The following RERE variants were observed in gnomAD, a reference collection of about 807,000 sequenced individuals.
The protein encoded by RERE is arginine-glutamic acid dipeptide repeats, also known as arginine-glutamic acid dipeptide repeats protein.
RERE carries 40 observed loss-of-function variants against 146.1 expected under a neutral mutation model. The ratio of observed to expected loss-of-function variants is 0.27; its 90% CI spans 0.21 to 0.36. The LOEUF (loss-of-function observed/expected upper bound fraction) is 0.36. Ranked by LOEUF, RERE falls within the 10% of genes least tolerant of loss-of-function variation. RERE has a pLI of 1.00. For synonymous variants in RERE, 1,003 were observed against 866.0 expected (o/e 1.16, Z -2.78); for missense variants, 1,933 against 2,138.7 (o/e 0.90, Z 1.90).
At chr1:8,549,405 CA>C (rs1255140685) in intron 6 of RERE, among the ~76,000 whole-genome samples, 1 of 151,970 alleles carries the variant, frequency 6.6e-6, no homozygotes, top group Non-Finnish European at 1.5e-5. Context: ...TATAACAAAA[CA>C]AAATAAATAT....
chr1:8,364,763 C>G lies in RERE; in HGVS notation c.1523G>C (p.Arg508Pro). ...SEQELKGYAC[R>P]HCFTTTSKDW... is the part of the protein sequence containing the mutation. ...CCACTTACTGGTGGTGAAGCAGTGG[C>G]GGCAGGCGTACCCCTTCAGCTCCTG... Residue 508 changes from arginine (R) to proline (P), a missense_variant, in exon 14 of 23, where the codon CGC becomes CCC. Physicochemically the swap from Arg to Pro is moderately radical, Grantham distance 103. Transcript: ENST00000400908. The surrounding 1 kb of genome is among the most constrained non-coding windows in gnomAD (Gnocchi z 5.1). The G allele has an allele frequency of 6.2e-7, 1 of 1,613,762 alleles. No individual in the cohort carries two copies. Among genetic ancestry groups the G allele is most frequent in the Non-Finnish European group, 8.5e-7 (1 of 1,179,802 alleles).
chr1:8,500,182 G>A (rs573793877), intron 8 of RERE, among the ~76,000 whole-genome samples: 1 of 152,174 alleles, frequency 6.6e-6, no homozygotes, highest in Admixed American at 6.5e-5. Context: ...GAGTCAAAAG[G>A]TCTTTGACAC....
intron 1 of RERE, among the ~76,000 whole-genome samples, chr1:8,748,021 G>T (rs1016885518): frequency 6.6e-6 from 1 of 151,926 alleles, no homozygotes; most frequent in South Asian, 2.1e-4. Flanking sequence ...CAAGTGATCC[G>T]CCCACCTCAG....
chr1:8,567,987 T>C (rs1327021023), intron 4 of RERE, among the ~76,000 whole-genome samples: 1 of 152,160 alleles, frequency 6.6e-6, no homozygotes, highest in African/African-American at 2.4e-5. Flanking sequence ...TTAAGGGACA[T>C]CTAGATAGTT....
intron 7 of RERE, among the ~76,000 whole-genome samples, chr1:8,512,327 C>T (rs1310023110): frequency 6.6e-6 from 1 of 152,056 alleles, no homozygotes; most frequent in Non-Finnish European, 1.5e-5. Context: ...GCCACCGCGC[C>T]CGGCCAGGAA....
At chr1:8,649,625 G>C (rs766084914) in intron 2 of RERE, among the ~76,000 whole-genome samples, 34 of 151,226 alleles carry the variant, frequency 2.2e-4, no homozygotes, top group Admixed American at 1.7e-3. Context: ...AGCTACTCTC[G>C]AAGATGAGGC....
intron 8 of RERE, among the ~76,000 whole-genome samples, chr1:8,498,710 TAAA>T (rs1220899065): frequency 1.5e-5 from 1 of 68,212 alleles, no homozygotes; most frequent in African/African-American, 5.1e-5. Context: ...AAAAAAAAAA[TAAA>T]AAAAAAAAAA....
rs138468605 is a variant in RERE at position 8,472,197 on chromosome 1, T to C, written c.1105-6174A>G. 3.2e-3 allele frequency among the ~76,000 whole-genome samples: 483 copies of C among 152,348 alleles called. 1 individual carries two copies. The highest frequency in any genetic ancestry group is 9.9e-3 in the African/African-American group (411 of 41,580). ...ACTATATTCCTTACATAAAGTAGAA[T>C]TGGTAAATTTATCAAAACACTGGCT... On this transcript the variant is annotated intron_variant, in intron 10 of 22. Transcript: ENST00000400908.
At chr1:8,620,601 G>A (rs1646905080) in intron 3 of RERE, among the ~76,000 whole-genome samples, 1 of 151,932 alleles carries the variant, frequency 6.6e-6, no homozygotes, top group African/African-American at 2.4e-5. Context: ...TTCATGCCAG[G>A]CCACAAGGAT....
intron 4 of RERE, among the ~76,000 whole-genome samples, chr1:8,564,826 A>ATATGTGTGTG (rs1384858524): frequency 0.014 from 1,588 of 117,426 alleles, 21 homozygotes; most frequent in African/African-American, 0.03. Flanking sequence ...GTGTGTGTAT[A>ATATGTGTGTG]TGTGTATGTG....
At chr1:8,457,842 C>G (rs1281078099) in intron 11 of RERE, among the ~76,000 whole-genome samples, 1 of 152,124 alleles carries the variant, frequency 6.6e-6, no homozygotes, top group African/African-American at 2.4e-5. Context: ...CTCACTTGAT[C>G]TCCCTGCCTC....
intron 12 of RERE, among the ~76,000 whole-genome samples, chr1:8,402,320 C>G (rs969359559): frequency 1.3e-5 from 2 of 152,168 alleles, no homozygotes; most frequent in African/African-American, 4.8e-5. Flanking sequence ...CCATCACAGC[C>G]AGGTGGCAGA....
intron 12 of RERE, among the ~76,000 whole-genome samples, chr1:8,415,651 CA>C (rs112592455): frequency 2.0e-5 from 3 of 152,138 alleles, no homozygotes; most frequent in Non-Finnish European, 4.4e-5. Context: ...ACACCAGCAC[CA>C]AAAGTCTCTT....
chr1:8,443,388 A>G (rs1018238253), intron 11 of RERE, among the ~76,000 whole-genome samples: 2 of 148,624 alleles, frequency 1.3e-5, no homozygotes, highest in Admixed American at 1.4e-4. Flanking sequence ...CCTGAACCCA[A>G]GAGGCAGAGG....
At chr1:8,554,894 T>A (rs1645987180) in intron 6 of RERE, among the ~76,000 whole-genome samples, 1 of 152,112 alleles carries the variant, frequency 6.6e-6, no homozygotes, top group South Asian at 2.1e-4. Context: ...ATTCCAGGAT[T>A]AAGTCACTGG....
chr1:8,477,180 T>C (rs1644766974), intron 10 of RERE, among the ~76,000 whole-genome samples: 1 of 152,182 alleles, frequency 6.6e-6, no homozygotes, highest in Non-Finnish European at 1.5e-5. Flanking sequence ...TCTTTTTTTA[T>C]AAATGCGAGA....
At chr1:8,747,805 T>G (rs894715796) in intron 1 of RERE, among the ~76,000 whole-genome samples, 1 of 152,120 alleles carries the variant, frequency 6.6e-6, no homozygotes, top group African/African-American at 2.4e-5. Context: ...AGAGCTTTGC[T>G]CTGTCGCCCG....
At chr1:8,638,782 A>ATTTTTTTT (rs1557450012) in intron 2 of RERE, among the ~76,000 whole-genome samples, 1 of 134,432 alleles carries the variant, frequency 7.4e-6, no homozygotes, top group African/African-American at 3.0e-5. Context: ...GACGAAAAAA[A>ATTTTTTTT]ATTTTTTTTT....
chr1:8,737,425 TA>T (rs1181711190), intron 1 of RERE, among the ~76,000 whole-genome samples: 2 of 152,210 alleles, frequency 1.3e-5, no homozygotes, highest in East Asian at 1.9e-4. Flanking sequence ...ACTTGTTTCC[TA>T]AATCTCCAAA....
Sources: gnomAD v4.1 joint callset for allele counts (sites outside exome capture counted in the v4.1 genomes callset) on GRCh38, gnomAD v4.1.1 for gene constraint, Gnocchi (gnomAD v3.1) non-coding constraint, MANE v1.5 for transcripts, NCBI Gene and HGNC (gene_info 2026-07-23, HGNC 2026-07-21) for gene names.